The following ATF7IP variants were observed in gnomAD, a reference collection of about 807,000 sequenced individuals.
The protein encoded by ATF7IP is activating transcription factor 7-interacting protein 1.
A neutral mutation model predicts 106.4 loss-of-function variants in ATF7IP; 23 were observed. The observed-to-expected ratio is 0.22, with a 90% CI of 0.16 to 0.31. The LOEUF (loss-of-function observed/expected upper bound fraction) is 0.31. Among genes scored for constraint, ATF7IP ranks in the 10% least tolerant of loss-of-function variants. The pLI, the probability that ATF7IP is intolerant of heterozygous loss-of-function variation, is 1.00. For missense variants in ATF7IP, 1,334 were observed against 1,524.3 expected (o/e 0.88, Z 2.08); for synonymous variants, 542 against 539.0 (o/e 1.01, Z -0.08).
At position 14,375,041 on chromosome 12, in the gene ATF7IP, ATTGCTTTCCACCATGCC is replaced by A. The variant is rs538006982; in HGVS notation, c.-8+9233_-8+9249del. 2.5e-3 allele frequency among the ~76,000 whole-genome samples: 384 copies of A among 152,118 alleles called. 3 individuals carry two copies. The highest frequency in any genetic ancestry group is 8.8e-3 in the African/African-American group (366 of 41,520). ...ATAAGACCACTATTAAAAGTGTAAG[ATTGCTTTCCACCATGCC>A]TTGCTTTCCACCATGCCTCCCTTAA... On this transcript the variant is annotated intron_variant, in intron 1 of 14. Transcript: ENST00000261168.
At chr12:14,388,961 C>T (rs139600129) in intron 1 of ATF7IP, among the ~76,000 whole-genome samples, 1 of 152,154 alleles carries the variant, frequency 6.6e-6, no homozygotes, top group African/African-American at 2.4e-5. Flanking sequence ...TTTTGATTTT[C>T]GTTTCTTCGT....
chr12:14,383,789 T>A (rs1478380160), intron 1 of ATF7IP, among the ~76,000 whole-genome samples: 4 of 152,206 alleles, frequency 2.6e-5, no homozygotes, highest in Non-Finnish European at 5.9e-5. Context: ...CTCAAACTCC[T>A]GGCTTCAAGA....
At chr12:14,452,052 G>A (rs945324555) in intron 6 of ATF7IP, among the ~76,000 whole-genome samples, 3 of 152,182 alleles carry the variant, frequency 2.0e-5, no homozygotes, top group South Asian at 4.1e-4. Flanking sequence ...AGGGGTGTGT[G>A]TGTGTGTGTT....
In ATF7IP at chr12:14,476,177, G is replaced by A. The variant is rs560896830; in HGVS notation, c.2941+209G>A. 29 of 443,684 alleles carry A rather than the reference G, an allele frequency of 6.5e-5. No individual in the cohort carries two copies. The Admixed American group carries it at 9.8e-4, about 15-fold the overall frequency. 27.5% of individuals were successfully genotyped at this position (443,684 alleles called of 1,614,324 possible). A position where few individuals can be genotyped will look rare whatever the true frequency, so the allele number is the denominator to read the frequency against. ...TAATCCCAGTGCTTTGGGAGGCCAA[G>A]GCAGGAGGATCGAGGCAAGAGGTCA... On this transcript the variant is annotated intron_variant, in intron 11 of 14. Transcript: ENST00000261168.
At chr12:14,438,094 C>T in intron 4 of ATF7IP, 36 bp from the exon 5 acceptor site, 1 of 1,597,952 alleles carries the variant, frequency 6.3e-7, no homozygotes, top group South Asian at 1.1e-5. Context: ...GCTGGAATGC[C>T]TTCTTGGCAT....
rs1398723800 is a variant in ATF7IP at position 14,500,110 on chromosome 12, A to G, written c.*2037A>G. ...AACTTCGAAGTCCTCTTCCTTTACA[A>G]TATTTGAATTCATATTTGTACCTTC... On this transcript the variant is annotated 3_prime_UTR_variant, in exon 15 of 15. Coordinates refer to ENST00000261168, the MANE Select transcript of ATF7IP (RefSeq NM_018179.5). 10 of 152,220 alleles carry G rather than the reference A, an allele frequency of 6.6e-5. No homozygotes were observed. The East Asian group carries it at 1.7e-3, about 26-fold the overall frequency. The allele number at this position is 152,220 out of a possible 1,614,324, so 9.4% of individuals were successfully genotyped here.
At chr12:14,370,641 A>C (rs1179655929) in intron 1 of ATF7IP, among the ~76,000 whole-genome samples, 1 of 152,192 alleles carries the variant, frequency 6.6e-6, no homozygotes, top group Non-Finnish European at 1.5e-5. Flanking sequence ...GTAGACTACC[A>C]AAAAGCACTA....
rs1331853545 is a variant in ATF7IP, at chr12:14,456,756, G to T, written c.2069+122G>T. Reference sequence around the variant, plus strand: ...GTAGAAATAAGTGTTTGGTGTACTTGGTTAGTATATTTTCTTTTTCTGCTT... The same window carrying T: ...GTAGAAATAAGTGTTTGGTGTACTTTGTTAGTATATTTTCTTTTTCTGCTT... On this transcript the variant is annotated intron_variant, in intron 7 of 14. Transcript: ENST00000261168. 2.2e-5 allele frequency: 15 copies of T among 683,626 alleles called. No individual in the cohort carries two copies. The East Asian group carries it at 4.0e-4, about 18-fold the overall frequency. The allele number at this position is 683,626 out of a possible 1,614,324, so 42.3% of individuals were successfully genotyped here.
At chr12:14,391,785 TATCTC>T in intron 1 of ATF7IP, among the ~76,000 whole-genome samples, 1 of 152,302 alleles carries the variant, frequency 6.6e-6, no homozygotes, top group East Asian at 1.9e-4. Flanking sequence ...GCAATGGTGC[TATCTC>T]AGCTCACTTC....
In ATF7IP at chr12:14,425,141, C is replaced by T. The variant is rs146351562; in HGVS notation, c.1226C>T (p.Thr409Met). 21 of 1,592,410 alleles carry T rather than the reference C, an allele frequency of 1.3e-5. No homozygotes were observed. Among genetic ancestry groups the T allele is most frequent in the Non-Finnish European group, 1.4e-5 (17 of 1,173,850 alleles). Residue 409 changes from threonine to methionine, a missense_variant, in exon 2 of 15, where the codon ACG (threonine) becomes ATG (methionine). Thr to Met is a moderately conservative substitution (Grantham distance 81). Coordinates refer to ENST00000261168, the MANE Select transcript of ATF7IP (RefSeq NM_018179.5). ...EDETSADLVE[T>M]INENVIEDNK... ...GAAACTTCTGCAGATCTTGTAGAAA[C>T]GATTAATGAAAATGTTATTGAAGAT...
intron 1 of ATF7IP, among the ~76,000 whole-genome samples, chr12:14,395,474 TTGAAA>T (rs1181504832): frequency 1.3e-5 from 2 of 152,168 alleles, no homozygotes; most frequent in Non-Finnish European, 2.9e-5. Flanking sequence ...CACATTTGAA[TTGAAA>T]TGAACTAACA....
rs111972308 is a variant in ATF7IP, at chr12:14,474,067, G to C, written c.2863-1823G>C. On this transcript the variant is annotated intron_variant, in intron 10 of 14. Transcript: ENST00000261168. ...AACTAATGTTTTCCACCAAATTTGG[G>C]AAGTTTTTGGTTATTATTCAATTTT... Among the ~76,000 whole-genome samples, 255 of 151,910 alleles carry C rather than the reference G, an allele frequency of 1.7e-3. 1 individual carries two copies. The highest frequency in any genetic ancestry group is 5.9e-3 in the African/African-American group (244 of 41,502).
At chr12:14,410,379 A>G (rs981494934) in intron 1 of ATF7IP, among the ~76,000 whole-genome samples, 3 of 152,290 alleles carry the variant, frequency 2.0e-5, no homozygotes, top group Admixed American at 1.3e-4. Context: ...TGTCCAGCAT[A>G]TCTACACTGT....
chr12:14,380,632 A>T (rs1210528294), intron 1 of ATF7IP, among the ~76,000 whole-genome samples: 2 of 151,812 alleles, frequency 1.3e-5, no homozygotes, highest in African/African-American at 2.4e-5. Flanking sequence ...TTTTTATTTT[A>T]TTTTTTTTAA....
intron 1 of ATF7IP, chr12:14,417,065 TAAC>T (rs796720236): frequency 2.2e-5 from 9 of 402,848 alleles, no homozygotes; most frequent in African/African-American, 8.7e-5. Flanking sequence ...AAAATTCTGA[TAAC>T]AAATTTTCCA....
At chr12:14,443,629 AT>A (rs1343033152) in intron 5 of ATF7IP, among the ~76,000 whole-genome samples, 1 of 152,210 alleles carries the variant, frequency 6.6e-6, no homozygotes, top group Admixed American at 6.5e-5. Context: ...ATATTTAATA[AT>A]GGATTATTGG....
At chr12:14,442,366 C>A (rs1216190614) in intron 5 of ATF7IP, among the ~76,000 whole-genome samples, 1 of 152,066 alleles carries the variant, frequency 6.6e-6, no homozygotes. Flanking sequence ...TGTTGGCAAC[C>A]GTTCTACCCA....
At position 14,425,021 on chromosome 12, in the gene ATF7IP, A is replaced by G; in HGVS notation, c.1106A>G (p.Lys369Arg). The G allele has an allele frequency of 6.2e-7, 1 of 1,611,716 alleles. No individual in the cohort carries two copies. Among genetic ancestry groups the G allele is most frequent in the Non-Finnish European group, 8.5e-7 (1 of 1,179,422 alleles). The change falls in exon 2 of 15, where the codon AAG becomes AGG. Residue 369 changes from lysine (K) to arginine (R), a missense_variant. By Grantham distance (26) the Lys-to-Arg change is conservative. Coordinates refer to ENST00000261168, the MANE Select transcript of ATF7IP (RefSeq NM_018179.5). Reference protein sequence around the residue: ...ICSDRPPENEKKVEEDIITEL... With the variant: ...ICSDRPPENERKVEEDIITEL... Reference sequence around the variant, plus strand: ...TCAGATCGACCTCCTGAAAATGAAAAGAAGGTAGAGGAAGATATTATCACA... The same window carrying G: ...TCAGATCGACCTCCTGAAAATGAAAGGAAGGTAGAGGAAGATATTATCACA...
At chr12:14,486,204 A>G (rs765405654) in intron 13 of ATF7IP, among the ~76,000 whole-genome samples, 1 of 152,186 alleles carries the variant, frequency 6.6e-6, no homozygotes, top group Non-Finnish European at 1.5e-5. Context: ...CTGAGATAAA[A>G]TTCCATTAAT....
Sources: gnomAD v4.1 joint callset for allele counts (sites outside exome capture counted in the v4.1 genomes callset) on GRCh38, gnomAD v4.1.1 for gene constraint, MANE v1.5 for transcripts, NCBI Gene and HGNC (gene_info 2026-07-23, HGNC 2026-07-21) for gene names.